The following CTNND2 variants were observed in gnomAD, a reference collection of about 807,000 sequenced individuals.
CTNND2 encodes catenin delta-2.
CTNND2 carries 22 observed loss-of-function variants against 144.4 expected under a neutral mutation model. That is an observed-to-expected ratio of 0.15 (90% CI 0.11 to 0.22). The LOEUF is 0.22. Among genes scored for constraint, CTNND2 ranks in the 10% least tolerant of loss-of-function variants. CTNND2 has a pLI of 1.00. For synonymous variants in CTNND2, 751 were observed against 695.6 expected (o/e 1.08, Z -1.25); for missense variants, 1,353 against 1,618.8 (o/e 0.84, Z 2.82).
intron 2 of CTNND2, among the ~76,000 whole-genome samples, chr5:11,589,401 G>A (rs1478729094): frequency 6.6e-6 from 1 of 151,912 alleles, no homozygotes; most frequent in Non-Finnish European, 1.5e-5. Flanking sequence ...AAAGCAAGAG[G>A]CAGATTCAAG....
At chr5:11,259,009 C>T (rs26447) in intron 9 of CTNND2, among the ~76,000 whole-genome samples, 1 of 152,074 alleles carries the variant, frequency 6.6e-6, no homozygotes. Flanking sequence ...GTGATTTAAT[C>T]AAACACAAAT....
intron 3 of CTNND2, among the ~76,000 whole-genome samples, chr5:11,551,706 C>G (rs1775781917): frequency 6.6e-6 from 1 of 152,142 alleles, no homozygotes; most frequent in Non-Finnish European, 1.5e-5. Context: ...TCAAGTGATT[C>G]TACTGCCTCA....
At chr5:11,861,362 A>G (rs116811832) in intron 1 of CTNND2, among the ~76,000 whole-genome samples, 1,880 of 152,210 alleles carry the variant, frequency 0.012, 40 homozygotes, top group African/African-American at 0.043. Flanking sequence ...AACCTCTCCC[A>G]CCCAAACTTC....
At chr5:11,217,762 G>A (rs1282634637) in intron 10 of CTNND2, among the ~76,000 whole-genome samples, 3 of 152,170 alleles carry the variant, frequency 2.0e-5, no homozygotes, top group Non-Finnish European at 4.4e-5. Flanking sequence ...CAAAAGGTAA[G>A]TATTTAATGG....
chr5:11,806,795 G>T (rs1487289262), intron 1 of CTNND2, among the ~76,000 whole-genome samples: 2 of 151,902 alleles, frequency 1.3e-5, no homozygotes, highest in Non-Finnish European at 2.9e-5. Flanking sequence ...CTATCATTAT[G>T]ATTATTTTGA....
At chr5:11,240,453 A>AC (rs555703730) in intron 9 of CTNND2, among the ~76,000 whole-genome samples, 15 of 91,570 alleles carry the variant, frequency 1.6e-4, no homozygotes, top group East Asian at 1.1e-3. Context: ...ACATACACAC[A>AC]CCCCCCAACA....
Position 11,128,815 on chromosome 5 carries a change from T to TG in CTNND2, c.2160-11249_2160-11248insC, listed in dbSNP as rs1554049779. On this transcript the variant is annotated intron_variant, in intron 12 of 21. Transcript: ENST00000304623. ...ATATATTATATATATACAATATATA[T>TG]AATATATATTATATATTATATTAAG... Among the ~76,000 whole-genome samples, 189 of 34,618 alleles carry TG rather than the reference T, an allele frequency of 5.5e-3. 18 individuals are homozygous for TG. Among genetic ancestry groups the TG allele is most frequent in the Non-Finnish European group, 0.013 (146 of 11,504 alleles). The allele number at this position is 34,618 out of a possible 152,430, so 22.7% of individuals were successfully genotyped here. A position where few individuals can be genotyped will look rare whatever the true frequency, so the allele number is the denominator to read the frequency against.
At position 11,463,640 on chromosome 5, in the gene CTNND2, A is replaced by G. The variant is rs186957615; in HGVS notation, c.288-51571T>C. Among the ~76,000 whole-genome samples, 123 of 152,186 alleles carry G rather than the reference A, an allele frequency of 8.1e-4. 1 individual carries two copies. Among genetic ancestry groups the G allele is most frequent in the Non-Finnish European group, 1.4e-3 (92 of 68,004 alleles). The stretch of plus-strand genomic sequence containing the variant: ...AAATTCAAAGCACAAACTCTTTCGC[A>G]TGGATATACAGATACCTGAGAGAGC... On this transcript the variant is annotated intron_variant, in intron 3 of 21. Coordinates refer to ENST00000304623, the MANE Select transcript of CTNND2 (RefSeq NM_001332.4).
At chr5:11,691,787 G>A (rs1455504388) in intron 2 of CTNND2, among the ~76,000 whole-genome samples, 1 of 152,160 alleles carries the variant, frequency 6.6e-6, no homozygotes, top group African/African-American at 2.4e-5. Flanking sequence ...ATATATGGCA[G>A]TTTGAGGTGG....
At position 11,397,172 on chromosome 5, in the gene CTNND2, C is replaced by G. The variant is rs1338118444; in HGVS notation, c.471G>C (p.Gln157His). The G allele has an allele frequency of 3.1e-6, 5 of 1,614,068 alleles. No homozygotes were observed. The highest frequency in any genetic ancestry group is 4.2e-6 in the Non-Finnish European group (5 of 1,180,030). ...AAGACCCTTCAGGTTTGGAATTGAG[C>G]TGAAGTGCACTCTGGGAGAGCAGGC... ...RPSLLSQSAL[Q>H]LNSKPEGSFQ... Residue 157 changes from glutamine (Q) to histidine (H), a missense_variant, in exon 6 of 22, where the codon CAG becomes CAC. Physicochemically the swap from Gln to His is conservative, Grantham distance 24 (BLOSUM62 0). Around this residue, in one of 4 missense-constraint regions of CTNND2, gnomAD observed 708 missense variants for 706.4 expected, o/e 1.00. Transcript: ENST00000304623.
chr5:11,259,003 T>C (rs981783373), intron 9 of CTNND2, among the ~76,000 whole-genome samples: 2 of 152,210 alleles, frequency 1.3e-5, no homozygotes, highest in African/African-American at 2.4e-5. Flanking sequence ...GTTCCCGTGA[T>C]TTAATCAAAC....
chr5:11,130,464 C>T (rs1167071837), intron 12 of CTNND2, among the ~76,000 whole-genome samples: 2 of 152,188 alleles, frequency 1.3e-5, no homozygotes, highest in African/African-American at 2.4e-5. Flanking sequence ...CTGTCAAGTA[C>T]TACCTAGGGT....
At chr5:11,690,796 A>G (rs1394828885) in intron 2 of CTNND2, among the ~76,000 whole-genome samples, 2 of 150,118 alleles carry the variant, frequency 1.3e-5, no homozygotes, top group Non-Finnish European at 3.0e-5. Context: ...TTTCAGCAAT[A>G]TACTCTTTTA....
intron 3 of CTNND2, among the ~76,000 whole-genome samples, chr5:11,419,026 C>CTATATATCTA (rs1419446304): frequency 8.0e-6 from 1 of 125,128 alleles, no homozygotes; most frequent in Non-Finnish European, 1.7e-5. Context: ...AGATGTCTAT[C>CTATATATCTA]TATATATAGA....
In CTNND2 at chr5:11,117,513, C is replaced by T. The variant is rs748234972; in HGVS notation, c.2214G>A (p.Gly738=). The part of the protein sequence containing the change: ...EARRRMRECD[G]LTDALLYVIQ... ...TCACGTACAGCAAGGCATCCGTAAG[C>T]CCATCACACTCTCTCATCCTTCTGC... The change falls in exon 13 of 22, where the codon GGG becomes GGA. Residue 738 remains glycine, a synonymous_variant. Transcript: ENST00000304623. The T allele has an allele frequency of 1.1e-5, 18 of 1,614,070 alleles. No homozygotes were observed. The highest frequency in any genetic ancestry group is 1.5e-5 in the Non-Finnish European group (18 of 1,180,046).
chr5:11,157,413 C>T (rs537664987), intron 12 of CTNND2, among the ~76,000 whole-genome samples: 13 of 152,148 alleles, frequency 8.5e-5, no homozygotes, highest in South Asian at 4.1e-4. Flanking sequence ...AGTTTTTCCT[C>T]CTGTACTGCC....
chr5:11,073,665 A>G (rs1055295616), intron 16 of CTNND2, among the ~76,000 whole-genome samples: 10 of 152,250 alleles, frequency 6.6e-5, no homozygotes, highest in Non-Finnish European at 1.2e-4. Flanking sequence ...TAATTAACAA[A>G]GAACCCATGG....
chr5:11,402,816 C>G (rs1401474670), intron 5 of CTNND2, among the ~76,000 whole-genome samples: 1 of 152,190 alleles, frequency 6.6e-6, no homozygotes, highest in East Asian at 1.9e-4. Flanking sequence ...TCTATTTCGT[C>G]TGGTCAGTTG....
chr5:11,441,268 G>A (rs544497653), intron 3 of CTNND2, among the ~76,000 whole-genome samples: 12 of 150,932 alleles, frequency 8.0e-5, no homozygotes, highest in Non-Finnish European at 1.8e-4. Flanking sequence ...CACTTGCCCC[G>A]AACAGAGTTG....
Sources: allele counts gnomAD v4.1 joint callset (sites outside exome capture counted in the v4.1 genomes callset), GRCh38; gene constraint gnomAD v4.1.1; regional missense constraint gnomAD v4.1.1; transcripts MANE v1.5; gene names NCBI Gene and HGNC (gene_info 2026-07-23, HGNC 2026-07-21).